Variants in USP50 observed in about 807,000 individuals in gnomAD.
USP50 encodes ubiquitin specific peptidase 50.
A neutral mutation model predicts 39.2 loss-of-function variants in USP50; 37 were observed. The ratio of observed to expected loss-of-function variants is 0.94; its 90% CI spans 0.73 to 1.24. The LOEUF (loss-of-function observed/expected upper bound fraction) is 1.24. Ranked by LOEUF, USP50 falls within the 50% of genes most tolerant of loss-of-function variation. The probability of loss-of-function intolerance (pLI) is 0.00; values close to 1 mark genes in which losing one functional copy is unlikely to be tolerated. For missense variants in USP50, 374 were observed against 398.2 expected (o/e 0.94, Z 0.52); for synonymous variants, 139 against 144.5 (o/e 0.96, Z 0.27).
intron 6 of USP50, among the ~76,000 whole-genome samples, chr15:50,525,550 A>ATG (rs1333976422): frequency 8.2e-6 from 1 of 121,380 alleles, no homozygotes; most frequent in Admixed American, 9.6e-5. Flanking sequence ...ATATATGTAT[A>ATG]TATGTGTATA....
In USP50 at chr15:50,513,513, C is replaced by T. The variant is rs1181625033; in HGVS notation, c.937-12676G>A. 3 of 106,256 alleles carry T rather than the reference C, an allele frequency of 2.8e-5. No individual in the cohort carries two copies. In the South Asian group the frequency reaches 9.6e-4, roughly 34 times the overall value. The allele number at this position is 106,256 out of a possible 1,614,324, so 6.6% of individuals were successfully genotyped here. A position where few individuals can be genotyped will look rare whatever the true frequency, so the allele number is the denominator to read the frequency against. On this transcript the variant is annotated intron_variant, in intron 6 of 6. Coordinates refer to ENST00000532404, the MANE Select transcript of USP50 (RefSeq NM_203494.5). ...TCATGAGTTCGAGACAAGAGCGAAA[C>T]TGTCTAAAAAAAAAAAAAAAAAAAA... is the stretch of plus-strand genomic sequence containing the variant.
At chr15:50,544,470 A>G (rs1280745418) in intron 2 of USP50, 117 bp downstream of exon 2, 1 of 942,672 alleles carries the variant, frequency 1.1e-6, no homozygotes, top group African/African-American at 1.7e-5. Context: ...GGGAAGCTAC[A>G]ACCTCTACTG....
At chr15:50,519,753 CAGTT>C (rs2052833755) in intron 6 of USP50, among the ~76,000 whole-genome samples, 2 of 151,770 alleles carry the variant, frequency 1.3e-5, no homozygotes, top group African/African-American at 4.8e-5. Flanking sequence ...CATCTCACCT[CAGTT>C]AGAATGCAAA....
intron 6 of USP50, among the ~76,000 whole-genome samples, chr15:50,517,333 G>A (rs2052811557): frequency 6.6e-6 from 1 of 152,002 alleles, no homozygotes; most frequent in Non-Finnish European, 1.5e-5. Flanking sequence ...TTAGCCAGGT[G>A]TGTTGGTGGG....
chr15:50,538,863 A>T lies in USP50; in HGVS notation c.661-12T>A. Reference sequence around the variant, plus strand: ...CATTGGAGACAGTCCTGTTAAGGAAAAAAAGGATTTGGTGACCAAATTGGA... The same window carrying T: ...CATTGGAGACAGTCCTGTTAAGGAATAAAAGGATTTGGTGACCAAATTGGA... On this transcript the variant is annotated splice_polypyrimidine_tract_variant and intron_variant, in intron 4 of 6. Coordinates refer to ENST00000532404, the MANE Select transcript of USP50 (RefSeq NM_203494.5). 2 of 1,586,926 alleles carry T rather than the reference A, an allele frequency of 1.3e-6. No homozygotes were observed. The highest frequency in any genetic ancestry group is 1.7e-6 in the Non-Finnish European group (2 of 1,168,524).
chr15:50,495,932 A>G (rs1485486877), downstream of USP50: 1 of 1,613,880 alleles, frequency 6.2e-7, no homozygotes, highest in African/African-American at 1.3e-5. Context: ...GCAGAAACAC[A>G]AGCAGCTCAA....
intron 5 of USP50, among the ~76,000 whole-genome samples, chr15:50,531,564 A>G (rs906068202): frequency 4.5e-4 from 69 of 152,294 alleles, no homozygotes; most frequent in African/African-American, 1.4e-3. Context: ...GGAGCATGAG[A>G]TAACTTTTTG....
downstream of USP50, chr15:50,493,824 T>C (rs971567737): frequency 3.1e-6 from 2 of 644,274 alleles, no homozygotes; most frequent in Admixed American, 2.1e-5. Flanking sequence ...AACCTCGCTG[T>C]CATGAACTGG....
intron 4 of USP50, 73 bp from the exon 5 acceptor site, chr15:50,538,924 C>T (rs1376996720): frequency 1.4e-6 from 2 of 1,474,656 alleles, no homozygotes; most frequent in Non-Finnish European, 9.1e-7. Flanking sequence ...TCTATTGGAA[C>T]TTTGCAAATG....
chr15:50,496,450 C>T (rs2052410277), downstream of USP50, among the ~76,000 whole-genome samples: 1 of 146,528 alleles, frequency 6.8e-6, no homozygotes, highest in Non-Finnish European at 1.5e-5. Context: ...CACTGCACTC[C>T]AGCCTAGGGG....
At chr15:50,507,176 G>A (rs1281787462) in intron 6 of USP50, 1 of 152,062 alleles carries the variant, frequency 6.6e-6, no homozygotes, top group African/African-American at 2.4e-5. Context: ...CCAACTACTT[G>A]GGAAGCTGAG....
chr15:50,494,043 C>A, exon 2 of USP50: 1 of 1,591,374 alleles, frequency 6.3e-7, no homozygotes, highest in Non-Finnish European at 8.5e-7. Flanking sequence ...CCTTTATTGT[C>A]TTTTGTAACA....
Position 50,532,207 on chromosome 15 carries a change from G to A in USP50, c.804-2278C>T, listed in dbSNP as rs369779285. ...AACCACACTCGCACGGTAAATATTA[G>A]AGACAAATCTCCTCATGCTTCTGGC... On this transcript the variant is annotated intron_variant, in intron 5 of 6. Transcript: ENST00000532404. The A allele has an allele frequency of 1.1e-4, 51 of 456,128 alleles. No individual in the cohort carries two copies. The East Asian group carries it at 2.4e-3, about 21-fold the overall frequency. The allele number at this position is 456,128 out of a possible 1,614,324, so 28.3% of individuals were successfully genotyped here.
At chr15:50,499,072 CT>C, downstream of USP50, 1 of 1,607,886 alleles carries the variant, frequency 6.2e-7, no homozygotes, top group Non-Finnish European at 8.5e-7. Context: ...CCACGAGTAA[CT>C]GATGTAGCCA....
chr15:50,531,633 C>T (rs1487758610), intron 5 of USP50, among the ~76,000 whole-genome samples: 1 of 152,108 alleles, frequency 6.6e-6, no homozygotes, highest in African/African-American at 2.4e-5. Context: ...ATGCATTTGT[C>T]AGAGTTCATA....
intron 6 of USP50, among the ~76,000 whole-genome samples, chr15:50,516,407 T>C (rs904037478): frequency 5.9e-5 from 9 of 152,072 alleles, no homozygotes; most frequent in Non-Finnish European, 1.3e-4. Context: ...GAGACCAGAC[T>C]GCCCAAAGAG....
At chr15:50,493,836 G>A, downstream of USP50, 1 of 664,564 alleles carries the variant, frequency 1.5e-6, no homozygotes, top group South Asian at 1.5e-5. Flanking sequence ...ATGAACTGGA[G>A]CCTGTTGATG....
intron 6 of USP50, chr15:50,507,478 A>G (rs534792309): frequency 6.6e-6 from 1 of 152,314 alleles, no homozygotes; most frequent in East Asian, 1.9e-4. Context: ...AAGTAGCTAT[A>G]CATCAGCTAA....
At chr15:50,526,958 T>C (rs1039242252) in intron 6 of USP50, among the ~76,000 whole-genome samples, 18 of 152,218 alleles carry the variant, frequency 1.2e-4, no homozygotes, top group African/African-American at 3.4e-4. Flanking sequence ...ATAAACACTA[T>C]GTAAGTGTTC....
Sources: gnomAD v4.1 joint callset for allele counts (sites outside exome capture counted in the v4.1 genomes callset) on GRCh38, gnomAD v4.1.1 for gene constraint, MANE v1.5 for transcripts, NCBI Gene and HGNC (gene_info 2026-07-23, HGNC 2026-07-21) for gene names.